The following BBOX1 variants were observed in gnomAD, a reference collection of about 807,000 sequenced individuals.
BBOX1 encodes gamma-butyrobetaine dioxygenase.
BBOX1 carries 35 observed loss-of-function variants against 41.6 expected under a neutral mutation model. The ratio of observed to expected loss-of-function variants is 0.84; its 90% CI spans 0.64 to 1.11. The LOEUF is 1.11. BBOX1 is among the 50% of genes most tolerant of loss of function. The pLI, the probability that BBOX1 is intolerant of heterozygous loss-of-function variation, is 0.00. For synonymous variants in BBOX1, 163 were observed against 154.7 expected (o/e 1.05, Z -0.40); for missense variants, 458 against 460.6 (o/e 0.99, Z 0.05).
intron 5 of BBOX1, among the ~76,000 whole-genome samples, chr11:27,105,356 A>T (rs1000733863): frequency 6.6e-6 from 1 of 152,158 alleles, no homozygotes; most frequent in Non-Finnish European, 1.5e-5. Flanking sequence ...AAAAGATTAG[A>T]CAAATGGCTA....
chr11:27,070,779 C>G (rs753520268), intron 4 of BBOX1, among the ~76,000 whole-genome samples: 1 of 147,182 alleles, frequency 6.8e-6, no homozygotes, highest in Non-Finnish European at 1.5e-5. Flanking sequence ...CGTTTACATT[C>G]AATGTTCATG....
intron 5 of BBOX1, among the ~76,000 whole-genome samples, chr11:27,108,588 C>T (rs1431005735): frequency 6.6e-6 from 1 of 152,052 alleles, no homozygotes; most frequent in Non-Finnish European, 1.5e-5. Flanking sequence ...TTCTTGGCAA[C>T]TCTCACTGCA....
chr11:27,093,208 G>A lies in BBOX1; in HGVS notation c.375G>A (p.Leu125=). The A allele has an allele frequency of 6.2e-7, 1 of 1,612,268 alleles. No individual in the cohort carries two copies. The highest frequency in any genetic ancestry group is 8.5e-7 in the Non-Finnish European group (1 of 1,178,908). ...GCTCAGAGCTCCAGCTACCCACTTT[G>A]GATTTTGAAGATGTTTTAAGATATG... is the stretch of plus-strand genomic sequence containing the variant. ...YWGSELQLPT[L]DFEDVLRYDE... Residue 125 remains leucine (L), a synonymous_variant, in exon 5 of 9, where the codon TTG becomes TTA. Transcript: ENST00000263182.
intron 4 of BBOX1, among the ~76,000 whole-genome samples, chr11:27,077,615 T>TA (rs34920955): frequency 2.9e-5 from 4 of 137,104 alleles, no homozygotes; most frequent in African/African-American, 8.3e-5. Flanking sequence ...ATCCACCATC[T>TA]AAAAAAAAAA....
At chr11:27,057,996 A>G (rs1857036726) in intron 4 of BBOX1, among the ~76,000 whole-genome samples, 1 of 152,172 alleles carries the variant, frequency 6.6e-6, no homozygotes, top group Admixed American at 6.5e-5. Flanking sequence ...TTTTAAATAT[A>G]AATTTTAGGA....
chr11:27,126,886 G>A (rs1455824207), intron 8 of BBOX1, among the ~76,000 whole-genome samples: 1 of 152,016 alleles, frequency 6.6e-6, no homozygotes, highest in Admixed American at 6.5e-5. Flanking sequence ...ATGTTAGCCA[G>A]GATGGTCTAG....
In BBOX1 at chr11:27,055,622, T is replaced by G. The variant is rs1422136484; in HGVS notation, c.192T>G (p.Ile64Met). 16 of 1,613,796 alleles carry G rather than the reference T, an allele frequency of 9.9e-6. No individual in the cohort carries two copies. In the Admixed American group the frequency reaches 2.7e-4, roughly 27 times the overall value. ...LVEALDVNIGIKGLIFDRKKV... is the reference protein window; with the variant it reads ...LVEALDVNIGMKGLIFDRKKV... ...AAGCTCTTGATGTGAACATTGGAAT[T>G]AAAGGCTTGATATTTGACAGAAAAA... The change falls in exon 3 of 9, where the codon ATT becomes ATG. Residue 64 changes from isoleucine (I) to methionine (M), a missense_variant. Transcript: ENST00000263182.
At chr11:27,101,049 CA>C (rs908310291) in intron 5 of BBOX1, among the ~76,000 whole-genome samples, 2 of 151,968 alleles carry the variant, frequency 1.3e-5, no homozygotes, top group African/African-American at 2.4e-5. Flanking sequence ...CATTATCCCC[CA>C]AAAAAATGAG....
At chr11:27,109,815 T>C (rs551256593) in intron 5 of BBOX1, among the ~76,000 whole-genome samples, 2 of 152,054 alleles carry the variant, frequency 1.3e-5, no homozygotes, top group Admixed American at 1.3e-4. Flanking sequence ...TATGGGGGAA[T>C]ACCAGAGGCA....
At chr11:27,056,258 TTTTA>T (rs1043469748) in intron 3 of BBOX1, among the ~76,000 whole-genome samples, 2 of 152,120 alleles carry the variant, frequency 1.3e-5, no homozygotes, top group African/African-American at 4.8e-5. Flanking sequence ...TATTACTTAC[TTTTA>T]TTTATTTATT....
intron 2 of BBOX1, among the ~76,000 whole-genome samples, chr11:27,052,240 T>C (rs939806677): frequency 3.3e-5 from 5 of 152,106 alleles, no homozygotes; most frequent in African/African-American, 1.2e-4. Flanking sequence ...ATTTAAAGAA[T>C]ATCTTTGGAA....
intron 4 of BBOX1, among the ~76,000 whole-genome samples, chr11:27,062,166 G>A (rs1029683002): frequency 6.6e-6 from 1 of 152,160 alleles, no homozygotes; most frequent in Non-Finnish European, 1.5e-5. Context: ...CAAAGAAAAA[G>A]GCAGGCAGAA....
intron 4 of BBOX1, among the ~76,000 whole-genome samples, chr11:27,059,834 G>C (rs1180724826): frequency 6.6e-6 from 1 of 152,164 alleles, no homozygotes; most frequent in Admixed American, 6.5e-5. Context: ...TCTCCCTTTT[G>C]TAATGAGAAT....
intron 2 of BBOX1, among the ~76,000 whole-genome samples, chr11:27,045,542 T>C (rs1408117437): frequency 6.6e-6 from 1 of 152,172 alleles, no homozygotes; most frequent in Admixed American, 6.5e-5. Context: ...TTTTTGCCCA[T>C]TCAGTATGAT....
intron 5 of BBOX1, among the ~76,000 whole-genome samples, chr11:27,105,628 G>A (rs2134072053): frequency 6.6e-6 from 1 of 152,284 alleles, no homozygotes; most frequent in East Asian, 1.9e-4. Context: ...TGGGGTACCT[G>A]AAAGTGACGG....
At chr11:27,092,727 C>A (rs1590205850) in intron 4 of BBOX1, among the ~76,000 whole-genome samples, 1 of 151,894 alleles carries the variant, frequency 6.6e-6, no homozygotes, top group East Asian at 1.9e-4. Context: ...TCTCCTCAAC[C>A]CCCAGCTCCC....
At chr11:27,047,264 C>T (rs910014935) in intron 2 of BBOX1, 2 of 152,180 alleles carry the variant, frequency 1.3e-5, no homozygotes, top group African/African-American at 4.8e-5. Flanking sequence ...AGAATGGTCT[C>T]AGGTTCCCCC....
chr11:27,123,984 A>G (rs1859556187), intron 7 of BBOX1, among the ~76,000 whole-genome samples: 1 of 152,200 alleles, frequency 6.6e-6, no homozygotes, highest in Non-Finnish European at 1.5e-5. Flanking sequence ...GCCTTACCCA[A>G]TAAGCAAAGA....
intron 4 of BBOX1, among the ~76,000 whole-genome samples, chr11:27,081,490 A>C (rs915631360): frequency 4.6e-5 from 7 of 152,130 alleles, no homozygotes; most frequent in African/African-American, 1.7e-4. Context: ...AGTCTTTGCT[A>C]TTGTGAATAG....
Sources: gnomAD v4.1 joint callset for allele counts (sites outside exome capture counted in the v4.1 genomes callset) on GRCh38, gnomAD v4.1.1 for gene constraint, MANE v1.5 for transcripts, NCBI Gene and HGNC (gene_info 2026-07-23, HGNC 2026-07-21) for gene names.